Variants in MAG observed in about 807,000 individuals in gnomAD.
MAG encodes the protein myelin associated glycoprotein, also known as myelin-associated glycoprotein.
A neutral mutation model predicts 60.7 loss-of-function variants in MAG; 30 were observed. The observed-to-expected ratio is 0.49, with a 90% CI of 0.37 to 0.67. The LOEUF (loss-of-function observed/expected upper bound fraction) is 0.67. MAG is among the 30% of genes least tolerant of loss of function. The pLI, the probability that MAG is intolerant of heterozygous loss-of-function variation, is 0.00. For missense variants in MAG, 795 were observed against 851.7 expected, an observed-to-expected ratio of 0.93 and a Z score of 0.83; for synonymous variants, 384 against 376.8, an observed-to-expected ratio of 1.02 and a Z score of -0.22.
chr19:35,299,223 G>C (rs2145610465), intron 4 of MAG, among the ~76,000 whole-genome samples: 1 of 152,336 alleles, frequency 6.6e-6, no homozygotes, highest in South Asian at 2.1e-4. Context: ...TGCAGCCTCA[G>C]TTTCTTCATC....
chr19:35,312,312 G>A (rs776284312), intron 10 of MAG: 2 of 1,613,210 alleles, frequency 1.2e-6, no homozygotes, highest in Admixed American at 3.3e-5. Context: ...GAATCTCACT[G>A]AGTGCCCCAG....
intron 4 of MAG, among the ~76,000 whole-genome samples, chr19:35,297,772 C>T (rs753413091): frequency 6.8e-4 from 101 of 149,450 alleles, no homozygotes; most frequent in Non-Finnish European, 1.2e-3. Flanking sequence ...ATACACTGTA[C>T]ACATACATGC....
Position 35,300,293 on chromosome 19 carries a change from A to C in MAG, c.859A>C (p.Ser287Arg), listed in dbSNP as rs1322691217. The C allele has an allele frequency of 5.0e-6, 8 of 1,599,712 alleles. No individual in the cohort carries two copies. The highest frequency in any genetic ancestry group is 2.2e-5 in the East Asian group (1 of 44,812). ...AGTCCTCCGGGAGGCGGTGGCCGAG[A>C]GCCTGCTCCTGGAGCTGGAGGAGGT... The part of the protein sequence containing the change: ...GTVLREAVAE[S>R]LLLELEEVTP... Residue 287 changes from serine to arginine, a missense_variant, in exon 6 of 11, where the codon AGC becomes CGC. Coordinates refer to ENST00000392213, the MANE Select transcript of MAG (RefSeq NM_002361.4).
intron 5 of MAG, 63 bp from the exon 6 acceptor site, chr19:35,300,084 G>C (rs1409980503): frequency 2.7e-6 from 4 of 1,468,012 alleles, no homozygotes; most frequent in Non-Finnish European, 3.6e-6. Flanking sequence ...GCCGGGCTGG[G>C]AGAGGGCACT....
rs899255820 is a variant in MAG at position 35,312,624 on chromosome 19, TG to T, written c.1716+614del. On this transcript the variant is annotated intron_variant, in intron 10 of 10. Transcript: ENST00000392213. ...TGAGGGCGGACCCATGCAGGACCCA[TG>T]GGGGGGCACGTACCAAACCAGGTAT... is the stretch of plus-strand genomic sequence containing the variant. The T allele has an allele frequency of 2.9e-5, 15 of 517,858 alleles. 1 individual carries two copies. Among genetic ancestry groups the T allele is most frequent in the African/African-American group, 9.5e-5 (5 of 52,678 alleles). 32.1% of individuals were successfully genotyped at this position (517,858 alleles called of 1,614,324 possible). A position where few individuals can be genotyped will look rare whatever the true frequency, so the allele number is the denominator to read the frequency against.
intron 7 of MAG, among the ~76,000 whole-genome samples, chr19:35,303,396 G>C (rs947866785): frequency 6.6e-6 from 1 of 152,144 alleles, no homozygotes; most frequent in Non-Finnish European, 1.5e-5. Flanking sequence ...ATCTTCATGA[G>C]GGAGGTTCTA....
At chr19:35,296,303 G>A (rs1253738092) in intron 4 of MAG, among the ~76,000 whole-genome samples, 1 of 152,202 alleles carries the variant, frequency 6.6e-6, no homozygotes, top group Non-Finnish European at 1.5e-5. Flanking sequence ...GGTGATCTTG[G>A]GCAAGTGACT....
intron 4 of MAG, among the ~76,000 whole-genome samples, chr19:35,297,796 C>T (rs1359263839): frequency 6.7e-6 from 1 of 149,676 alleles, no homozygotes; most frequent in Non-Finnish European, 1.5e-5. Context: ...ACCCCCACAT[C>T]ACAACACAAA....
chr19:35,309,897 T>C lies in MAG; in HGVS notation c.1255T>C (p.Ser419Pro). 6.2e-7 allele frequency: 1 copy of C among 1,611,558 alleles called. No individual in the cohort carries two copies. Among genetic ancestry groups the C allele is most frequent in the Non-Finnish European group, 8.5e-7 (1 of 1,179,362 alleles). ...AGTCGCCCCTGTGCTCCTCCTGGAG[T>C]CCCACTGCGCGGCAGCCCGAGACAC... ...VEFAPVLLLE[S>P]HCAAARDTVQ... Residue 419 changes from serine to proline, a missense_variant, in exon 8 of 11, where the codon TCC becomes CCC. Coordinates refer to ENST00000392213, the MANE Select transcript of MAG (RefSeq NM_002361.4).
At chr19:35,310,797 G>C (rs2066521525) in intron 9 of MAG, among the ~76,000 whole-genome samples, 154 bp downstream of exon 9, 1 of 152,224 alleles carries the variant, frequency 6.6e-6, no homozygotes, top group Non-Finnish European at 1.5e-5. Flanking sequence ...AGAGGAGAGA[G>C]GGTTCCTGTT....
At chr19:35,300,009 C>T in intron 5 of MAG, 138 bp from the exon 6 acceptor site, 1 of 765,304 alleles carries the variant, frequency 1.3e-6, no homozygotes, top group Non-Finnish European at 1.6e-6. Context: ...GGGACGGGGG[C>T]GGAACCAGGC....
At position 35,293,275 on chromosome 19, in the gene MAG, C is replaced by CTCTG. The variant is rs2066371139; in HGVS notation, c.-79-959_-79-958insCTGT. Among the ~76,000 whole-genome samples, 1 of 149,020 alleles carries CTCTG rather than the reference C, an allele frequency of 6.7e-6. No individual in the cohort carries two copies. The highest frequency in any genetic ancestry group is 2.5e-5 in the African/African-American group (1 of 40,506). On this transcript the variant is annotated intron_variant, in intron 1 of 10. Transcript: ENST00000392213. The surrounding 1 kb of genome is among the most constrained non-coding windows in gnomAD (Gnocchi z 4.0). ...TTGTTAGCCTGGCATGCATGCTGGG[C>CTCTG]TGTGTGTGTGTGTGTGTGTGTGTGC...
Position 35,295,171 on chromosome 19 carries a change from C to T in MAG, c.-23-215C>T, listed in dbSNP as rs2066386546. Among the ~76,000 whole-genome samples, 1 of 152,022 alleles carries T rather than the reference C, an allele frequency of 6.6e-6. No homozygotes were observed. Among genetic ancestry groups the T allele is most frequent in the African/African-American group, 2.4e-5 (1 of 41,364 alleles). Reference sequence around the variant, plus strand: ...CTGAGACAAGAGGATAACACGAGCTCAGGATTTTGAGGCTATAGTGAGCTG... The same window carrying T: ...CTGAGACAAGAGGATAACACGAGCTTAGGATTTTGAGGCTATAGTGAGCTG... On this transcript the variant is annotated intron_variant, in intron 2 of 10. Coordinates refer to ENST00000392213, the MANE Select transcript of MAG (RefSeq NM_002361.4). This position sits in a 1 kb window ranked among gnomAD's most constrained non-coding sequence, Gnocchi z 5.8.
In MAG at chr19:35,295,845, G is replaced by A. The variant is rs2066393287; in HGVS notation, c.279G>A (p.Gly93=). 9 of 1,613,900 alleles carry A rather than the reference G, an allele frequency of 5.6e-6. No homozygotes were observed. Among genetic ancestry groups the A allele is most frequent in the Non-Finnish European group, 7.6e-6 (9 of 1,180,040 alleles). ...TCCAGGGCCGCAGCCGCCTCCTGGGGGACCTGGGCCTGCGAAACTGCACCC... is the reference window on the plus strand; with the variant it reads ...TCCAGGGCCGCAGCCGCCTCCTGGGAGACCTGGGCCTGCGAAACTGCACCC... ...ESFQGRSRLL[G]DLGLRNCTLL... is the part of the protein sequence containing the mutation. Residue 93 remains glycine, a synonymous_variant, in exon 4 of 11, where the codon GGG becomes GGA. Transcript: ENST00000392213. This position sits in a 1 kb window ranked among gnomAD's most constrained non-coding sequence, Gnocchi z 5.8.
At position 35,313,379 on chromosome 19, in the gene MAG, GGGGAAAC is replaced by G; in HGVS notation, c.1809_1815del (p.Lys604ProfsTer8). ...ACCTGAGCTATTCTCACTCGGACCTGGGGAAACGGCCCACCAAGGACAGCTACACGCT... is the reference window on the plus strand; with the variant it reads ...ACCTGAGCTATTCTCACTCGGACCTGGGCCCACCAAGGACAGCTACACGCT... On this transcript the variant is annotated frameshift_variant, in exon 11 of 11. Transcript: ENST00000392213. LOFTEE classifies it high-confidence loss of function. 6.2e-7 allele frequency: 1 copy of G among 1,614,124 alleles called. No homozygotes were observed. Among genetic ancestry groups the G allele is most frequent in the Non-Finnish European group, 8.5e-7 (1 of 1,179,996 alleles).
chr19:35,302,795 A>T, intron 7 of MAG, 87 bp downstream of exon 7: 1 of 1,523,854 alleles, frequency 6.6e-7, no homozygotes, highest in East Asian at 2.3e-5. Context: ...CATCCCAATC[A>T]GTATTGGCTT....
chr19:35,309,026 A>G (rs2066505199), intron 7 of MAG, among the ~76,000 whole-genome samples: 1 of 152,190 alleles, frequency 6.6e-6, no homozygotes, highest in African/African-American at 2.4e-5. Flanking sequence ...GAGCAACAGA[A>G]GGAGGGTTTT....
chr19:35,300,099 C>G (rs965787739), intron 5 of MAG, 48 bp from the exon 6 acceptor site: 10 of 1,489,262 alleles, frequency 6.7e-6, no homozygotes, highest in Non-Finnish European at 8.9e-6. Flanking sequence ...GGCACTGGGC[C>G]GGTTCCCCAG....
chr19:35,300,070 CG>C, intron 5 of MAG, 76 bp from the exon 6 acceptor site: 1 of 1,076,394 alleles, frequency 9.3e-7, no homozygotes. Context: ...GTGTTGGGGG[CG>C]GGGCCGGGCT....
Sources: gnomAD v4.1 joint callset for allele counts (sites outside exome capture counted in the v4.1 genomes callset) on GRCh38, gnomAD v4.1.1 for gene constraint, Gnocchi (gnomAD v3.1) non-coding constraint, MANE v1.5 for transcripts, NCBI Gene and HGNC (gene_info 2026-07-23, HGNC 2026-07-21) for gene names.